CSMD2: variants seen among roughly 807,000 people sequenced by gnomAD.
CSMD2 encodes CUB and sushi domain-containing protein 2.
CSMD2 carries 130 observed loss-of-function variants against 398.5 expected under a neutral mutation model. The ratio of observed to expected loss-of-function variants is 0.33; its 90% CI spans 0.28 to 0.38. The LOEUF is 0.38. Ranked by LOEUF, CSMD2 falls within the 10% of genes least tolerant of loss-of-function variation. The probability of loss-of-function intolerance (pLI) is 1.00; values close to 1 mark genes in which losing one functional copy is unlikely to be tolerated. For missense variants in CSMD2, 3,829 were observed against 4,764.9 expected, an observed-to-expected ratio of 0.80 and a Z score of 5.78; for synonymous variants, 1,828 against 1,908.5, an observed-to-expected ratio of 0.96 and a Z score of 1.10.
intron 37 of CSMD2, among the ~76,000 whole-genome samples, chr1:33,618,035 G>C (rs28694322): frequency 6.6e-6 from 1 of 152,208 alleles, no homozygotes; most frequent in Middle Eastern, 3.2e-3. Context: ...GACAGAGAGA[G>C]AGAGAGGGAA....
intron 25 of CSMD2, among the ~76,000 whole-genome samples, chr1:33,678,326 AAAG>A (rs1442537886): frequency 1.1e-4 from 17 of 151,586 alleles, no homozygotes; most frequent in Non-Finnish European, 2.4e-4. Flanking sequence ...AAAAAAAAAA[AAAG>A]AAAGAAAGAC....
In CSMD2 at chr1:34,165,055, G is replaced by A; in HGVS notation, c.43C>T (p.Pro15Ser). ...RGRELGRCGC[P>S]AGRARGETGI... ...GTTTCGCCGCGAGCCCTCCCCGCGG[G>A]GCAGCCGCAGCGCCCCAGCTCCCGT... Residue 15 changes from proline to serine, a missense_variant, in exon 1 of 71, where the codon CCC (proline) becomes TCC (serine). Coordinates refer to ENST00000373381, the MANE Select transcript of CSMD2 (RefSeq NM_001281956.2). 1 of 1,215,696 alleles carries A rather than the reference G, an allele frequency of 8.2e-7. No homozygotes were observed. The highest frequency in any genetic ancestry group is 1.0e-6 in the Non-Finnish European group (1 of 977,578). The allele number at this position is 1,215,696 out of a possible 1,614,324, so 75.3% of individuals were successfully genotyped here.
At chr1:33,951,004 T>C (rs1245975349) in intron 3 of CSMD2, among the ~76,000 whole-genome samples, 2 of 152,206 alleles carry the variant, frequency 1.3e-5, no homozygotes, top group Non-Finnish European at 2.9e-5. Flanking sequence ...ATCCAGAACC[T>C]TGGGTGTTTT....
chr1:34,092,648 G>A (rs1658738440), intron 1 of CSMD2, among the ~76,000 whole-genome samples: 1 of 152,230 alleles, frequency 6.6e-6, no homozygotes. Flanking sequence ...AGGGGTGACG[G>A]ACGGCACCTG....
chr1:33,537,572 C>A lies in CSMD2; in HGVS notation c.9669G>T (p.Gly3223=), dbSNP rs367552806. 214 of 1,613,992 alleles carry A rather than the reference C, an allele frequency of 1.3e-4. No homozygotes were observed. Among genetic ancestry groups the A allele is most frequent in the Non-Finnish European group, 1.8e-4 (207 of 1,180,008 alleles). Residue 3223 remains glycine, a synonymous_variant, in exon 61 of 71, where the codon GGG becomes GGT. Coordinates refer to ENST00000373381, the MANE Select transcript of CSMD2 (RefSeq NM_001281956.2). This position sits in a 1 kb window ranked among gnomAD's most constrained non-coding sequence, Gnocchi z 4.6. ...FCGDPGVPSR[G]RREDRGFSYR... ...AGGAGAAGCCTCGGTCCTCTCTCCTCCCACGGGACGGGACACCAGGATCCC... is the reference window on the plus strand; with the variant it reads ...AGGAGAAGCCTCGGTCCTCTCTCCTACCACGGGACGGGACACCAGGATCCC...
Position 33,862,720 on chromosome 1 carries a change from G to T in CSMD2, c.921-15724C>A, listed in dbSNP as rs560126088. 1.4e-3 allele frequency: 206 copies of T among 152,352 alleles called. 1 individual carries two copies. Among genetic ancestry groups the T allele is most frequent in the African/African-American group, 4.7e-3 (196 of 41,522 alleles). The allele number at this position is 152,352 out of a possible 1,614,324, so 9.4% of individuals were successfully genotyped here. On this transcript the variant is annotated intron_variant, in intron 5 of 70. Coordinates refer to ENST00000373381, the MANE Select transcript of CSMD2 (RefSeq NM_001281956.2). Reference sequence around the variant, plus strand: ...GCTTGTCCCCTGGAGGGGCTTCCCTGGCCAGTCCAGAATGCTCAATTTATG... The same window carrying T: ...GCTTGTCCCCTGGAGGGGCTTCCCTTGCCAGTCCAGAATGCTCAATTTATG...
chr1:33,592,487 G>GC, intron 44 of CSMD2: 1 of 717,152 alleles, frequency 1.4e-6, no homozygotes. Flanking sequence ...GCTGCCAAGT[G>GC]CCCTGAGGAG....
chr1:33,937,432 G>A (rs889961610), intron 3 of CSMD2, among the ~76,000 whole-genome samples: 1 of 152,220 alleles, frequency 6.6e-6, no homozygotes, highest in African/African-American at 2.4e-5. Context: ...GGAGCCTGGA[G>A]TAAAAGAGTG....
chr1:33,828,029 G>A (rs983035015), intron 6 of CSMD2, among the ~76,000 whole-genome samples: 1 of 152,138 alleles, frequency 6.6e-6, no homozygotes, highest in Non-Finnish European at 1.5e-5. Context: ...CCCCAACTCT[G>A]GCTACATGAA....
At chr1:33,517,273 G>C (rs1653850549) in intron 70 of CSMD2, among the ~76,000 whole-genome samples, 1 of 152,206 alleles carries the variant, frequency 6.6e-6, no homozygotes, top group African/African-American at 2.4e-5. Flanking sequence ...CTGGAGACCT[G>C]TGGGCTGGGC....
intron 3 of CSMD2, among the ~76,000 whole-genome samples, chr1:34,026,572 T>C (rs1171779881): frequency 6.6e-6 from 1 of 152,162 alleles, no homozygotes; most frequent in Non-Finnish European, 1.5e-5. Context: ...GTGCACGAGA[T>C]CCATGCTGCT....
chr1:33,984,294 T>C (rs774490440), intron 3 of CSMD2, among the ~76,000 whole-genome samples: 8 of 152,230 alleles, frequency 5.3e-5, no homozygotes, highest in Non-Finnish European at 1.0e-4. Context: ...AAGGCAGTGC[T>C]TCTTCAACAG....
chr1:34,077,330 G>A (rs1362147390), intron 2 of CSMD2, among the ~76,000 whole-genome samples: 2 of 150,360 alleles, frequency 1.3e-5, no homozygotes, highest in Admixed American at 1.3e-4. Flanking sequence ...GGTGGCGGGC[G>A]CCTGTAGTCC....
At chr1:33,735,716 A>G (rs1490788162) in intron 15 of CSMD2, among the ~76,000 whole-genome samples, 1 of 152,190 alleles carries the variant, frequency 6.6e-6, no homozygotes, top group Admixed American at 6.5e-5. Flanking sequence ...CTCTTGTCCT[A>G]TTATAGCCTC....
intron 27 of CSMD2, among the ~76,000 whole-genome samples, chr1:33,653,702 G>A (rs372770727): frequency 6.6e-6 from 1 of 152,166 alleles, no homozygotes; most frequent in Non-Finnish European, 1.5e-5. Flanking sequence ...CTGCTGTACC[G>A]TGGCATGAGG....
At chr1:34,088,600 G>A (rs766953157) in intron 2 of CSMD2, among the ~76,000 whole-genome samples, 24 of 152,222 alleles carry the variant, frequency 1.6e-4, no homozygotes, top group Admixed American at 3.3e-4. Context: ...TTCAAATACT[G>A]TGACGCAAGA....
chr1:33,683,939 G>T lies in CSMD2; in HGVS notation c.4052+8991C>A, dbSNP rs180807779. Among the ~76,000 whole-genome samples the T allele has an allele frequency of 2.0e-5, 3 of 152,346 alleles. No individual in the cohort carries two copies. In the East Asian group the frequency reaches 5.8e-4, roughly 29 times the overall value. ...AGGTTTAACTTGCTATAATTGCTCA[G>T]AAATAAACCCTCTGGAAGCTGCTGA... On this transcript the variant is annotated intron_variant, in intron 25 of 70. Transcript: ENST00000373381.
At chr1:34,048,131 GGTC>G (rs3044827) in intron 2 of CSMD2, among the ~76,000 whole-genome samples, 8,693 of 152,312 alleles carry the variant, frequency 0.057, 369 homozygotes, top group East Asian at 0.2. Context: ...GAGGAAGAGA[GGTC>G]GTCATGTTCC....
chr1:33,819,364 G>A (rs548150039), intron 9 of CSMD2, among the ~76,000 whole-genome samples: 14 of 152,318 alleles, frequency 9.2e-5, no homozygotes, highest in African/African-American at 3.4e-4. Context: ...GGGATTCAAG[G>A]TGACTGTATA....
Sources: gnomAD v4.1 joint callset for allele counts (sites outside exome capture counted in the v4.1 genomes callset) on GRCh38, gnomAD v4.1.1 for gene constraint, Gnocchi (gnomAD v3.1) non-coding constraint, MANE v1.5 for transcripts, NCBI Gene and HGNC (gene_info 2026-07-23, HGNC 2026-07-21) for gene names.